Variants in ZNF527 observed in about 807,000 individuals in gnomAD.
ZNF527 encodes zinc finger protein 527.
In ZNF527, 5 loss-of-function variants were observed where a neutral mutation model predicts 13.5. The ratio of observed to expected loss-of-function variants is 0.37; its 90% CI spans 0.19 to 0.78. ZNF527 has a LOEUF of 0.78. Among genes scored for constraint, ZNF527 ranks in the 30% least tolerant of loss-of-function variants. ZNF527 has a pLI of 0.48. For synonymous variants in ZNF527, 209 were observed against 243.1 expected (o/e 0.86, Z 1.30); for missense variants, 628 against 726.4 (o/e 0.86, Z 1.56).
chr19:37,376,793 T>G (rs1310271821), intron 2 of ZNF527, among the ~76,000 whole-genome samples: 1 of 151,096 alleles, frequency 6.6e-6, no homozygotes, highest in Non-Finnish European at 1.5e-5. Flanking sequence ...CAGGCACATA[T>G]GAGTACTCTA....
intron 2 of ZNF527, among the ~76,000 whole-genome samples, chr19:37,375,241 A>AT (rs779869387): frequency 8.4e-6 from 1 of 119,338 alleles, no homozygotes; most frequent in Non-Finnish European, 1.8e-5. Context: ...TCCTTAGTGT[A>AT]TTTTCTTTCT....
rs1484991693 is a variant in ZNF527, at chr19:37,389,772, A to G, written c.1723A>G (p.Ile575Val). Residue 575 changes from isoleucine to valine, a missense_variant, in exon 5 of 5, where the codon ATT (isoleucine) becomes GTT (valine). Ile to Val is a conservative substitution (Grantham distance 29). Coordinates refer to ENST00000436120, the MANE Select transcript of ZNF527 (RefSeq NM_032453.2). ...QILSLRLHQR[I>V]HAGEKPYKCN... The stretch of plus-strand genomic sequence containing the variant: ...CTTGTCCCTAAGACTACACCAGAGA[A>G]TTCACGCTGGAGAAAAACCTTATAA... 1.2e-6 allele frequency: 2 copies of G among 1,613,648 alleles called. No individual in the cohort carries two copies. Among genetic ancestry groups the G allele is most frequent in the Non-Finnish European group, 1.7e-6 (2 of 1,180,030 alleles).
intron 4 of ZNF527, among the ~76,000 whole-genome samples, chr19:37,386,671 T>C (rs2040702581): frequency 6.6e-6 from 1 of 152,236 alleles, no homozygotes; most frequent in Non-Finnish European, 1.5e-5. Flanking sequence ...TCTGTAAGTC[T>C]ATATGTAAAG....
intron 4 of ZNF527, among the ~76,000 whole-genome samples, chr19:37,382,740 G>A (rs928960831): frequency 1.3e-5 from 2 of 152,076 alleles, no homozygotes; most frequent in East Asian, 3.9e-4. Flanking sequence ...ATGGAGTCTC[G>A]CTCTGTCACC....
intron 1 of ZNF527, among the ~76,000 whole-genome samples, chr19:37,371,612 G>A (rs143766133): frequency 6.6e-6 from 1 of 152,296 alleles, no homozygotes; most frequent in African/African-American, 2.4e-5. Flanking sequence ...ATACAATTGC[G>A]TTTGAATGTG....
intron 2 of ZNF527, among the ~76,000 whole-genome samples, chr19:37,378,708 A>T (rs187851666): frequency 2.0e-5 from 3 of 152,280 alleles, no homozygotes; most frequent in Admixed American, 6.5e-5. Flanking sequence ...TTCTCCTTAC[A>T]TATAAAGTCT....
In ZNF527 at chr19:37,388,812, T is replaced by C. The variant is rs769589279; in HGVS notation, c.763T>C (p.Leu255=). Residue 255 remains leucine (L), a synonymous_variant, in exon 5 of 5, where the codon TTA becomes CTA. Coordinates refer to ENST00000436120, the MANE Select transcript of ZNF527 (RefSeq NM_032453.2). ...PYESHDFSKL[L]SFHSLFTQHQ... is the part of the protein sequence containing the mutation. ...TGAAAGTCATGATTTTTCAAAGCTCTTAAGTTTCCACTCATTATTTACTCA... is the reference window on the plus strand; with the variant it reads ...TGAAAGTCATGATTTTTCAAAGCTCCTAAGTTTCCACTCATTATTTACTCA... 1.2e-6 allele frequency: 2 copies of C among 1,613,470 alleles called. No individual in the cohort carries two copies. Among genetic ancestry groups the C allele is most frequent in the South Asian group, 2.2e-5 (2 of 90,886 alleles).
At chr19:37,372,206 G>A (rs1212282723) in intron 1 of ZNF527, among the ~76,000 whole-genome samples, 2 of 151,734 alleles carry the variant, frequency 1.3e-5, no homozygotes, top group Non-Finnish European at 2.9e-5. Context: ...CACCATGTTT[G>A]GCCAGGCTGG....
intron 2 of ZNF527, among the ~76,000 whole-genome samples, chr19:37,377,522 A>C (rs1466797690): frequency 6.6e-6 from 1 of 152,224 alleles, no homozygotes; most frequent in African/African-American, 2.4e-5. Context: ...GGCCATATGC[A>C]AGAAGTACTT....
In ZNF527 at chr19:37,388,558, G is replaced by GA. The variant is rs1268623444; in HGVS notation, c.511dup (p.Ser171LysfsTer22). The GA allele has an allele frequency of 6.2e-7, 1 of 1,614,106 alleles. No homozygotes were observed. The highest frequency in any genetic ancestry group is 1.7e-5 in the Admixed American group (1 of 60,016). On this transcript the variant is annotated frameshift_variant, in exon 5 of 5. Coordinates refer to ENST00000436120, the MANE Select transcript of ZNF527 (RefSeq NM_032453.2). LOFTEE classifies it low-confidence loss of function (END_TRUNC). ...GACAATGAATTTAGTAATTCTGGGA[G>GA]AAGCATACCCCTGAAATCAGTATTT...
At chr19:37,388,213 C>A (rs2040715667) in intron 4 of ZNF527, 93 bp from the exon 5 acceptor site, 1 of 1,430,110 alleles carries the variant, frequency 7.0e-7, no homozygotes. Context: ...TACCCTCCTT[C>A]CCCCCAGTTA....
chr19:37,382,600 T>G (rs979749870), intron 4 of ZNF527, among the ~76,000 whole-genome samples: 1 of 152,222 alleles, frequency 6.6e-6, no homozygotes, highest in African/African-American at 2.4e-5. Flanking sequence ...AGAAACAAAT[T>G]TACCAACTAG....
At chr19:37,379,072 C>T in intron 2 of ZNF527, 48 bp from the exon 3 acceptor site, 1 of 1,612,146 alleles carries the variant, frequency 6.2e-7, no homozygotes. Flanking sequence ...TTTGCTAGGA[C>T]CATATAGGTG....
intron 4 of ZNF527, among the ~76,000 whole-genome samples, chr19:37,381,916 T>G (rs2040657040): frequency 6.6e-6 from 1 of 152,182 alleles, no homozygotes; most frequent in Non-Finnish European, 1.5e-5. Flanking sequence ...ATTTAATGAC[T>G]TCATAAAATT....
At chr19:37,384,514 C>A (rs1246552351) in intron 4 of ZNF527, among the ~76,000 whole-genome samples, 2 of 150,812 alleles carry the variant, frequency 1.3e-5, no homozygotes, top group Non-Finnish European at 3.0e-5. Context: ...AAAAAAAAAA[C>A]AAAATGTGTA....
chr19:37,375,314 T>TTTC lies in ZNF527; in HGVS notation c.33+1083_33+1084insTTC, dbSNP rs1568691551. Among the ~76,000 whole-genome samples, 617 of 97,726 alleles carry TTTC rather than the reference T, an allele frequency of 6.3e-3. 5 individuals carry two copies. The highest frequency in any genetic ancestry group is 0.013 in the Admixed American group (120 of 9,174). The allele number at this position is 97,726 out of a possible 152,430, so 64.1% of individuals were successfully genotyped here. On this transcript the variant is annotated intron_variant, in intron 2 of 4. Coordinates refer to ENST00000436120, the MANE Select transcript of ZNF527 (RefSeq NM_032453.2). ...TCTTTCTTTCTTTCTTTCTTTCTTT[T>TTTC]CTTTCTTTCTTTCTTTCTTTCTTTC...
chr19:37,380,336 A>T lies in ZNF527; in HGVS notation c.220A>T (p.Met74Leu), dbSNP rs1480064131. Residue 74 changes from methionine (M) to leucine (L), a missense_variant, in exon 4 of 5, where the codon ATG (methionine) becomes TTG (leucine). This residue lies in a region of ZNF527 where 592 missense variants were observed against 678.0 expected (regional missense o/e 0.87). Coordinates refer to ENST00000436120, the MANE Select transcript of ZNF527 (RefSeq NM_032453.2). ...SLLEQGKEPWMVERKMSQGHC... is the reference protein window; with the variant it reads ...SLLEQGKEPWLVERKMSQGHC... The stretch of plus-strand genomic sequence containing the variant: ...ACTGGAGCAAGGGAAGGAACCGTGG[A>T]TGGTGGAGAGAAAGATGTCACAGGG... 4 of 1,613,986 alleles carry T rather than the reference A, an allele frequency of 2.5e-6. No individual in the cohort carries two copies. In the African/African-American group the frequency reaches 5.3e-5, roughly 22 times the overall value.
At chr19:37,385,018 G>T (rs1190501984) in intron 4 of ZNF527, 9 of 697,520 alleles carry the variant, frequency 1.3e-5, no homozygotes, top group South Asian at 1.1e-4. Flanking sequence ...TAGAGACGAG[G>T]TCTCACTGTG....
Position 37,379,117 on chromosome 19 carries a change from C to T in ZNF527, c.34-3C>T. The T allele has an allele frequency of 6.2e-7, 1 of 1,613,862 alleles. No individual in the cohort carries two copies. ...CTGGTGAACAAGAATTTTTTTATTT[C>T]AGGGGTTGGTGACCTTCAGAGATGT... On this transcript the variant is annotated splice_polypyrimidine_tract_variant and splice_region_variant and intron_variant, in intron 2 of 4. Coordinates refer to ENST00000436120, the MANE Select transcript of ZNF527 (RefSeq NM_032453.2).
Sources: allele counts gnomAD v4.1 joint callset (sites outside exome capture counted in the v4.1 genomes callset), GRCh38; gene constraint gnomAD v4.1.1; regional missense constraint gnomAD v4.1.1; transcripts MANE v1.5; gene names NCBI Gene and HGNC (gene_info 2026-07-23, HGNC 2026-07-21).